AP1S3: variants seen among roughly 807,000 people sequenced by gnomAD.
The protein encoded by AP1S3 is adaptor related protein complex 1 subunit sigma 3, also known as AP-1 complex subunit sigma-3.
Under a neutral mutation model 20.9 loss-of-function variants are expected in AP1S3, and 10 were observed. That is an observed-to-expected ratio of 0.48 (90% CI 0.29 to 0.81). AP1S3 has a LOEUF of 0.81. Ranked by LOEUF, AP1S3 falls within the 30% of genes least tolerant of loss-of-function variation. AP1S3 has a pLI of 0.08. For missense variants in AP1S3, 154 were observed against 183.8 expected (o/e 0.84, Z 0.94); for synonymous variants, 41 against 61.5 (o/e 0.67, Z 1.56).
intron 4 of AP1S3, among the ~76,000 whole-genome samples, chr2:223,759,188 G>T (rs942985164): frequency 6.6e-6 from 1 of 152,028 alleles, no homozygotes; most frequent in Admixed American, 6.6e-5. Flanking sequence ...GCTGAGGCAG[G>T]AGAATTGCTT....
chr2:223,797,695 G>A (rs902735920), intron 1 of AP1S3, among the ~76,000 whole-genome samples: 4 of 152,116 alleles, frequency 2.6e-5, no homozygotes, highest in Non-Finnish European at 4.4e-5. Flanking sequence ...GAACCCGGGG[G>A]GCAGGGGTTG....
intron 1 of AP1S3, among the ~76,000 whole-genome samples, chr2:223,809,331 C>A (rs1181934486): frequency 1.3e-5 from 2 of 152,132 alleles, no homozygotes; most frequent in South Asian, 2.1e-4. Flanking sequence ...CCCTCCCTTA[C>A]CCCCATTGAA....
chr2:223,771,323 T>C (rs1046907334), intron 3 of AP1S3, among the ~76,000 whole-genome samples: 2 of 151,806 alleles, frequency 1.3e-5, no homozygotes, highest in Non-Finnish European at 2.9e-5. Context: ...GGCAACGGAG[T>C]AAGACTCTGT....
At chr2:223,780,296 TATATATATATATAGAGAGAGAGAGAG>T (rs1315790115) in intron 1 of AP1S3, among the ~76,000 whole-genome samples, 42 of 50,406 alleles carry the variant, frequency 8.3e-4, no homozygotes, top group Middle Eastern at 0.018. Context: ...TATATATATA[TATATATATATATAGAGAGAGAGAGAG>T]AGAGAGAGAG....
chr2:223,809,703 A>G (rs982846185), intron 1 of AP1S3, among the ~76,000 whole-genome samples: 8 of 151,468 alleles, frequency 5.3e-5, no homozygotes, highest in African/African-American at 1.9e-4. Flanking sequence ...TGACCACCCT[A>G]TATAAAATGC....
intron 1 of AP1S3, among the ~76,000 whole-genome samples, chr2:223,813,172 C>T (rs1691773420): frequency 1.3e-5 from 2 of 152,094 alleles, no homozygotes; most frequent in African/African-American, 4.8e-5. Flanking sequence ...GTCTCAAACT[C>T]CTAACCTCAA....
intron 1 of AP1S3, among the ~76,000 whole-genome samples, chr2:223,825,842 C>A (rs1347547501): frequency 1.3e-5 from 2 of 152,012 alleles, no homozygotes; most frequent in African/African-American, 4.8e-5. Flanking sequence ...CATGGGGAAA[C>A]CCCATCTCTA....
chr2:223,760,115 G>A (rs1236814126), intron 4 of AP1S3, among the ~76,000 whole-genome samples: 1 of 152,028 alleles, frequency 6.6e-6, no homozygotes, highest in Non-Finnish European at 1.5e-5. Flanking sequence ...AAGACAGATG[G>A]GCTTTCTCTT....
intron 1 of AP1S3, among the ~76,000 whole-genome samples, chr2:223,803,083 TATG>T (rs1691503606): frequency 6.6e-6 from 1 of 152,210 alleles, no homozygotes; most frequent in Non-Finnish European, 1.5e-5. Flanking sequence ...TTTAAATTTT[TATG>T]ATGTTATCAG....
intron 3 of AP1S3, among the ~76,000 whole-genome samples, chr2:223,769,568 G>C (rs16865181): frequency 0.04 from 6,050 of 150,774 alleles, 294 homozygotes; most frequent in East Asian, 0.24. Flanking sequence ...TGATTCTTTC[G>C]GTGTCACAGA....
chr2:223,788,786 AAG>A, intron 1 of AP1S3, among the ~76,000 whole-genome samples: 1 of 148,752 alleles, frequency 6.7e-6, no homozygotes, highest in Non-Finnish European at 1.5e-5. Context: ...AAAAAAGAAG[AAG>A]AAGAAGAAGA....
intron 1 of AP1S3, among the ~76,000 whole-genome samples, chr2:223,799,091 G>GA (rs1559137929): frequency 6.6e-6 from 1 of 151,866 alleles, no homozygotes; most frequent in African/African-American, 2.4e-5. Context: ...AGAGAGAGAG[G>GA]GAGATAAGAA....
At chr2:223,826,980 G>A (rs573243029) in intron 1 of AP1S3, among the ~76,000 whole-genome samples, 87 of 150,800 alleles carry the variant, frequency 5.8e-4, no homozygotes, top group Non-Finnish European at 1.1e-3. Context: ...TTTATACCTT[G>A]ACAAAGATGA....
intron 1 of AP1S3, among the ~76,000 whole-genome samples, chr2:223,801,402 T>C (rs1280563712): frequency 1.3e-5 from 2 of 152,198 alleles, no homozygotes; most frequent in African/African-American, 4.8e-5. Flanking sequence ...TAGACTGGCC[T>C]TGCCCACTTT....
chr2:223,816,661 C>T (rs75997705), intron 1 of AP1S3, among the ~76,000 whole-genome samples: 1 of 152,320 alleles, frequency 6.6e-6, no homozygotes, highest in Non-Finnish European at 1.5e-5. Context: ...TCCATGCCTC[C>T]ATCCTCCCTG....
At chr2:223,807,769 C>T (rs1477818543) in intron 1 of AP1S3, among the ~76,000 whole-genome samples, 2 of 151,304 alleles carry the variant, frequency 1.3e-5, no homozygotes, top group African/African-American at 4.9e-5. Context: ...TGAGACCTCC[C>T]TAGAAGTCGA....
chr2:223,759,528 T>A (rs1305618350), intron 4 of AP1S3, among the ~76,000 whole-genome samples: 1 of 152,214 alleles, frequency 6.6e-6, no homozygotes, highest in Non-Finnish European at 1.5e-5. Context: ...TCTTAAGAAT[T>A]TCTTTACTTC....
chr2:223,786,939 G>T (rs1691092101), intron 1 of AP1S3, among the ~76,000 whole-genome samples: 1 of 152,062 alleles, frequency 6.6e-6, no homozygotes, highest in South Asian at 2.1e-4. Context: ...ATATGGTTTG[G>T]ATCTGTGTCC....
At chr2:223,821,947 G>A (rs777978780) in intron 1 of AP1S3, among the ~76,000 whole-genome samples, 1 of 152,094 alleles carries the variant, frequency 6.6e-6, no homozygotes, top group Non-Finnish European at 1.5e-5. Flanking sequence ...CCAAAGACAA[G>A]CCCCAGAGAA....
Sources: gnomAD v4.1 joint callset for allele counts (sites outside exome capture counted in the v4.1 genomes callset) on GRCh38, gnomAD v4.1.1 for gene constraint, MANE v1.5 for transcripts, NCBI Gene and HGNC (gene_info 2026-07-23, HGNC 2026-07-21) for gene names.